Variants in SYNJ2 observed in about 807,000 individuals in gnomAD.
The protein encoded by SYNJ2 is polyphosphatidylinositol phosphatase SYNJ2.
In SYNJ2, 116 loss-of-function variants were observed where a neutral mutation model predicts 141.3. That is an observed-to-expected ratio of 0.82 (90% CI 0.71 to 0.96). The LOEUF is 0.96. SYNJ2 is among the 40% of genes least tolerant of loss of function. SYNJ2 has a pLI of 0.00. For synonymous variants in SYNJ2, 745 were observed against 777.7 expected, an observed-to-expected ratio of 0.96 and a Z score of 0.70; for missense variants, 1,873 against 1,934.8, an observed-to-expected ratio of 0.97 and a Z score of 0.60.
rs757370442 is a variant in SYNJ2, at chr6:158,063,810, C to T, written c.1147C>T (p.Arg383Trp). The T allele has an allele frequency of 2.9e-5, 47 of 1,613,044 alleles. No homozygotes were observed. The highest frequency in any genetic ancestry group is 1.6e-4 in the Middle Eastern group (1 of 6,076). Residue 383 changes from arginine to tryptophan, a missense_variant, in exon 9 of 27, where the codon CGG (arginine) becomes TGG (tryptophan). Coordinates refer to ENST00000355585, the MANE Select transcript of SYNJ2 (RefSeq NM_003898.4). ...VSPRFQKGTLRMNCLDCLDRT... is the reference protein window; with the variant it reads ...VSPRFQKGTLWMNCLDCLDRT... ...CCTAAGTTTTCAGAAAGGCACTTTG[C>T]GGATGAACTGTCTTGACTGCCTGGA...
chr6:158,078,796 TTTTTTTTTTTTTGA>T (rs1480908930), intron 18 of SYNJ2: 15 of 146,318 alleles, frequency 1.0e-4, no homozygotes, highest in African/African-American at 3.8e-4. Context: ...ACCTTTTTTT[TTTTTTTTTTTTTGA>T]GAGAGAGTCT....
intron 4 of SYNJ2, among the ~76,000 whole-genome samples, chr6:158,034,625 G>A (rs1258961917): frequency 2.6e-5 from 4 of 152,198 alleles, no homozygotes; most frequent in Non-Finnish European, 5.9e-5. Flanking sequence ...CCTAAGATGG[G>A]CAACAGCTGC....
At chr6:157,984,072 G>A (rs1394739251) in intron 1 of SYNJ2, among the ~76,000 whole-genome samples, 1 of 152,196 alleles carries the variant, frequency 6.6e-6, no homozygotes, top group Non-Finnish European at 1.5e-5. Flanking sequence ...CTGGGCTCAG[G>A]TGATCTTTCC....
chr6:157,998,248 G>C (rs1777709099), intron 1 of SYNJ2, among the ~76,000 whole-genome samples: 1 of 152,214 alleles, frequency 6.6e-6, no homozygotes, highest in African/African-American at 2.4e-5. Flanking sequence ...CAAGGAGCCA[G>C]AATCCCTTAT....
At position 158,064,930 on chromosome 6, in the gene SYNJ2, C is replaced by T. The variant is rs374679601; in HGVS notation, c.1464C>T (p.Asp488=). The change falls in exon 11 of 27, where the codon GAC becomes GAT. Residue 488 remains aspartate (D), a synonymous_variant. Coordinates refer to ENST00000355585, the MANE Select transcript of SYNJ2 (RefSeq NM_003898.4). ...QEAIKLLLVG[D]VYGEEVADKG... ...CCATCAAGCTGCTGCTGGTTGGGGA[C>T]GTCTACGGCGAGGAGGTGGCAGACA... The T allele has an allele frequency of 5.8e-5, 93 of 1,613,262 alleles. No individual in the cohort carries two copies. Among genetic ancestry groups the T allele is most frequent in the Non-Finnish European group, 7.1e-5 (84 of 1,179,728 alleles).
intron 6 of SYNJ2, among the ~76,000 whole-genome samples, chr6:158,055,395 A>G (rs1780806886): frequency 6.6e-6 from 1 of 152,158 alleles, no homozygotes; most frequent in South Asian, 2.1e-4. Context: ...AAGTATAGAA[A>G]AGTATAAAGT....
intron 1 of SYNJ2, among the ~76,000 whole-genome samples, chr6:158,003,553 G>A (rs1777938333): frequency 6.6e-6 from 1 of 152,196 alleles, no homozygotes; most frequent in African/African-American, 2.4e-5. Flanking sequence ...CAAGAATGTG[G>A]CCACAAATGC....
At chr6:158,028,577 A>G in intron 2 of SYNJ2, 179 bp from the exon 3 acceptor site, 1 of 758,264 alleles carries the variant, frequency 1.3e-6, no homozygotes, top group Admixed American at 2.8e-5. Flanking sequence ...CCCCGCCTGA[A>G]GCTTACAGGA....
Position 158,097,097 on chromosome 6 carries a change from G to A in SYNJ2, c.*733G>A, listed in dbSNP as rs763720812. ...AATTACTATAATCCTGAGCCATGGT[G>A]TGCTACTGAAACCAATTTTTATCCA... is the stretch of plus-strand genomic sequence containing the variant. On this transcript the variant is annotated 3_prime_UTR_variant, in exon 27 of 27. Coordinates refer to ENST00000355585, the MANE Select transcript of SYNJ2 (RefSeq NM_003898.4). 1.3e-5 allele frequency: 2 copies of A among 152,504 alleles called. No homozygotes were observed. The highest frequency in any genetic ancestry group is 2.4e-5 in the African/African-American group (1 of 41,456). 9.4% of individuals were successfully genotyped at this position (152,504 alleles called of 1,614,324 possible). A position where few individuals can be genotyped will look rare whatever the true frequency, so the allele number is the denominator to read the frequency against.
intron 5 of SYNJ2, among the ~76,000 whole-genome samples, chr6:158,053,374 A>G (rs1780673345): frequency 6.6e-6 from 1 of 152,234 alleles, no homozygotes; most frequent in African/African-American, 2.4e-5. Context: ...CTTAAGATTT[A>G]TCATCAACAG....
At chr6:158,047,347 C>T (rs1191750620) in intron 5 of SYNJ2, among the ~76,000 whole-genome samples, 1 of 152,146 alleles carries the variant, frequency 6.6e-6, no homozygotes, top group Non-Finnish European at 1.5e-5. Flanking sequence ...GGCTCAAATT[C>T]AAACTCTGGC....
chr6:158,077,615 G>A (rs4321849), intron 17 of SYNJ2: 80,854 of 141,824 alleles, frequency 0.57, 22,407 homozygotes, highest in African/African-American at 0.67. Context: ...AGGAAGTGAA[G>A]TTTATTTAAA....
At chr6:158,026,721 A>G in intron 2 of SYNJ2, 1 of 485,698 alleles carries the variant, frequency 2.1e-6, no homozygotes, top group Non-Finnish European at 2.7e-6. Flanking sequence ...ACTCTCACGG[A>G]GTGATGTCAT....
intron 2 of SYNJ2, among the ~76,000 whole-genome samples, chr6:158,018,932 G>A (rs1778616590): frequency 6.6e-6 from 1 of 152,254 alleles, no homozygotes; most frequent in Non-Finnish European, 1.5e-5. Context: ...GGAAATCCCT[G>A]TGGCCCTTGC....
At chr6:158,000,658 C>T (rs1777813165) in intron 1 of SYNJ2, among the ~76,000 whole-genome samples, 1 of 152,092 alleles carries the variant, frequency 6.6e-6, no homozygotes, top group African/African-American at 2.4e-5. Flanking sequence ...CTCTCCCCGC[C>T]GACCCCCTAG....
chr6:158,025,838 G>C (rs1208806155), intron 2 of SYNJ2, among the ~76,000 whole-genome samples: 1 of 152,146 alleles, frequency 6.6e-6, no homozygotes, highest in Non-Finnish European at 1.5e-5. Flanking sequence ...TGTAATCTCA[G>C]TTACTCCAGA....
intron 1 of SYNJ2, among the ~76,000 whole-genome samples, chr6:157,985,523 C>A (rs994966681): frequency 1.3e-5 from 2 of 152,176 alleles, no homozygotes; most frequent in East Asian, 1.9e-4. Context: ...GCCCCGTAGC[C>A]GGTACCAGCA....
intron 1 of SYNJ2, among the ~76,000 whole-genome samples, chr6:158,003,752 G>A (rs905271433): frequency 3.3e-5 from 5 of 152,174 alleles, no homozygotes; most frequent in Non-Finnish European, 7.4e-5. Flanking sequence ...ACGCAGAGCC[G>A]TGCACGGCTG....
intron 12 of SYNJ2, among the ~76,000 whole-genome samples, chr6:158,066,908 G>A (rs896984805): frequency 3.9e-5 from 6 of 152,194 alleles, no homozygotes; most frequent in South Asian, 2.1e-4. Flanking sequence ...GCTTTCATCA[G>A]TAGAATCTTT....
Sources: allele counts gnomAD v4.1 joint callset (sites outside exome capture counted in the v4.1 genomes callset), GRCh38; gene constraint gnomAD v4.1.1; transcripts MANE v1.5; gene names NCBI Gene and HGNC (gene_info 2026-07-23, HGNC 2026-07-21).